The following PTPRM variants were observed in gnomAD, a reference collection of about 807,000 sequenced individuals.
The protein encoded by PTPRM is protein tyrosine phosphatase receptor type M.
Under a neutral mutation model 186.7 loss-of-function variants are expected in PTPRM, and 47 were observed. That is an observed-to-expected ratio of 0.25 (90% CI 0.20 to 0.32). PTPRM has a LOEUF of 0.32. PTPRM is among the 10% of genes least tolerant of loss of function. PTPRM has a pLI of 1.00. For missense variants in PTPRM, 1,494 were observed against 1,865.0 expected, an observed-to-expected ratio of 0.80 and a Z score of 3.66; for synonymous variants, 668 against 674.9, an observed-to-expected ratio of 0.99 and a Z score of 0.16.
intron 1 of PTPRM, among the ~76,000 whole-genome samples, chr18:7,747,179 A>G (rs895290119): frequency 1.3e-5 from 2 of 152,154 alleles, no homozygotes; most frequent in African/African-American, 4.8e-5. Flanking sequence ...TTTAAATGTA[A>G]CAGTATGGGA....
intron 14 of PTPRM, among the ~76,000 whole-genome samples, chr18:8,193,588 C>T (rs1312175640): frequency 1.3e-5 from 2 of 152,230 alleles, no homozygotes; most frequent in Admixed American, 6.5e-5. Context: ...AGGGGCCTCT[C>T]GCGCAGACTC....
intron 14 of PTPRM, among the ~76,000 whole-genome samples, chr18:8,156,608 G>T (rs747767014): frequency 3.3e-5 from 5 of 152,186 alleles, no homozygotes; most frequent in Non-Finnish European, 5.9e-5. Context: ...CCTAGTCTAA[G>T]TCAGTGCATC....
chr18:7,918,073 T>G (rs1297992814), intron 4 of PTPRM, among the ~76,000 whole-genome samples: 1 of 120,434 alleles, frequency 8.3e-6, no homozygotes, highest in Non-Finnish European at 1.6e-5. Context: ...TGTGTTCTTG[T>G]GTGTTTGTGT....
intron 7 of PTPRM, among the ~76,000 whole-genome samples, chr18:7,980,876 G>A (rs947535294): frequency 6.6e-6 from 1 of 152,048 alleles, no homozygotes; most frequent in African/African-American, 2.4e-5. Context: ...CTCCACTGGA[G>A]CATGAGCTGG....
At chr18:7,861,755 GGT>G (rs200947627) in intron 2 of PTPRM, among the ~76,000 whole-genome samples, 1 of 151,102 alleles carries the variant, frequency 6.6e-6, no homozygotes, top group Non-Finnish European at 1.5e-5. Context: ...TTGATATTGG[GGT>G]GTGTGTGTGT....
chr18:8,189,241 A>G (rs1460699889), intron 14 of PTPRM, among the ~76,000 whole-genome samples: 1 of 148,470 alleles, frequency 6.7e-6, no homozygotes, highest in East Asian at 2.1e-4. Context: ...TCAGTGAGCC[A>G]TGCTGGCACC....
chr18:8,381,465 A>G (rs568402995), intron 29 of PTPRM, among the ~76,000 whole-genome samples: 50 of 152,258 alleles, frequency 3.3e-4, no homozygotes, highest in African/African-American at 1.1e-3. Context: ...ATCCAGCCAT[A>G]AATGGCATGG....
chr18:7,901,557 G>A (rs1175209611), intron 3 of PTPRM, among the ~76,000 whole-genome samples: 1 of 152,048 alleles, frequency 6.6e-6, no homozygotes, highest in Admixed American at 6.5e-5. Flanking sequence ...AGTAGAGACG[G>A]GTTTCACCAT....
intron 1 of PTPRM, among the ~76,000 whole-genome samples, chr18:7,603,596 T>C (rs2037459414): frequency 6.6e-6 from 1 of 152,268 alleles, no homozygotes; most frequent in Non-Finnish European, 1.5e-5. Context: ...TTCTCTGCTT[T>C]GCTGTCAGGA....
At chr18:7,643,973 C>T (rs2038503538) in intron 1 of PTPRM, among the ~76,000 whole-genome samples, 1 of 151,920 alleles carries the variant, frequency 6.6e-6, no homozygotes, top group Non-Finnish European at 1.5e-5. Flanking sequence ...TTGTAATAAC[C>T]AGACAGCACA....
At chr18:7,735,795 C>T (rs1317136491) in intron 1 of PTPRM, among the ~76,000 whole-genome samples, 1 of 152,014 alleles carries the variant, frequency 6.6e-6, no homozygotes, top group East Asian at 1.9e-4. Flanking sequence ...TCTAATCTAC[C>T]TAACAAGAAC....
chr18:8,114,849 T>G (rs551139015), intron 13 of PTPRM, 22 bp downstream of exon 13: 2 of 1,601,910 alleles, frequency 1.2e-6, no homozygotes, highest in Admixed American at 3.4e-5. Flanking sequence ...TTGTGGGATA[T>G]TCTCCTAATT....
chr18:8,063,007 C>G (rs1317827749), intron 7 of PTPRM, among the ~76,000 whole-genome samples: 12 of 150,734 alleles, frequency 8.0e-5, no homozygotes, highest in Admixed American at 3.9e-4. Flanking sequence ...TTCCCGGCTG[C>G]TTTGTTTACC....
intron 22 of PTPRM, among the ~76,000 whole-genome samples, chr18:8,336,139 A>G (rs1051215999): frequency 6.6e-6 from 1 of 152,174 alleles, no homozygotes; most frequent in Admixed American, 6.5e-5. Context: ...TTTACTCCTC[A>G]CAGAATTGTT....
At chr18:8,314,667 TAA>T in intron 20 of PTPRM, 112 bp from the exon 21 acceptor site, 1 of 627,526 alleles carries the variant, frequency 1.6e-6, no homozygotes. Flanking sequence ...TCTTTATCTT[TAA>T]AGCAGAGTGT....
chr18:8,138,679 C>G (rs1255488341), intron 13 of PTPRM, among the ~76,000 whole-genome samples: 1 of 152,146 alleles, frequency 6.6e-6, no homozygotes, highest in African/African-American at 2.4e-5. Flanking sequence ...TGCTGTTCCT[C>G]TGGGTGAAAC....
chr18:7,659,832 C>G (rs2038938056), intron 1 of PTPRM, among the ~76,000 whole-genome samples: 1 of 152,160 alleles, frequency 6.6e-6, no homozygotes, highest in Admixed American at 6.5e-5. Flanking sequence ...TGTAAACTTG[C>G]TTAATCTAGT....
At chr18:7,579,914 GTC>G (rs1377999471) in intron 1 of PTPRM, among the ~76,000 whole-genome samples, 3 of 152,146 alleles carry the variant, frequency 2.0e-5, no homozygotes, top group Non-Finnish European at 4.4e-5. Flanking sequence ...GTTTTAAAAA[GTC>G]TCACAAACCT....
chr18:8,033,576 C>A (rs527455773), intron 7 of PTPRM, among the ~76,000 whole-genome samples: 1 of 152,280 alleles, frequency 6.6e-6, no homozygotes, highest in Admixed American at 6.5e-5. Context: ...GCAACTGTAA[C>A]ACAATGGTAT....
Sources: gnomAD v4.1 joint callset for allele counts (sites outside exome capture counted in the v4.1 genomes callset) on GRCh38, gnomAD v4.1.1 for gene constraint, MANE v1.5 for transcripts, NCBI Gene and HGNC (gene_info 2026-07-23, HGNC 2026-07-21) for gene names.